HECW1: variants seen among roughly 807,000 people sequenced by gnomAD.
HECW1 encodes the protein E3 ubiquitin-protein ligase HECW1.
A neutral mutation model predicts 182.3 loss-of-function variants in HECW1; 61 were observed. The observed-to-expected ratio is 0.33, with a 90% CI of 0.27 to 0.41. The LOEUF (loss-of-function observed/expected upper bound fraction) is 0.41. Among genes scored for constraint, HECW1 ranks in the 10% least tolerant of loss-of-function variants. The probability of loss-of-function intolerance (pLI) is 1.00; values close to 1 mark genes in which losing one functional copy is unlikely to be tolerated. For missense variants in HECW1, 1,739 were observed against 2,108.9 expected (o/e 0.82, Z 3.44); for synonymous variants, 859 against 832.6 (o/e 1.03, Z -0.55).
chr7:43,327,332 G>A (rs1275335755), intron 5 of HECW1, among the ~76,000 whole-genome samples: 2 of 152,052 alleles, frequency 1.3e-5, no homozygotes, highest in Admixed American at 1.3e-4. Context: ...GAGCTCCGTG[G>A]AAACCAAGAC....
chr7:43,416,861 G>T (rs1190212735), intron 8 of HECW1, among the ~76,000 whole-genome samples: 4 of 30 alleles, frequency 0.13, no homozygotes, highest in East Asian at 0.5. Flanking sequence ...CTTCCCAGGT[G>T]AGGCAATGCT....
intron 2 of HECW1, among the ~76,000 whole-genome samples, chr7:43,172,463 C>T (rs754801632): frequency 1.6e-4 from 24 of 151,508 alleles, no homozygotes; most frequent in Middle Eastern, 3.4e-3. Flanking sequence ...CACACATGCC[C>T]ATGTTTATAT....
chr7:43,192,268 A>G (rs1793997815), intron 2 of HECW1, among the ~76,000 whole-genome samples: 2 of 152,198 alleles, frequency 1.3e-5, no homozygotes, highest in South Asian at 4.1e-4. Context: ...AAGACCTAGT[A>G]TTAATAGATC....
chr7:43,369,987 A>T (rs71540529), intron 6 of HECW1, among the ~76,000 whole-genome samples: 3 of 152,172 alleles, frequency 2.0e-5, no homozygotes, highest in African/African-American at 7.2e-5. Flanking sequence ...ATGGGCCAGA[A>T]CCTAAAGTCA....
At chr7:43,467,360 A>C (rs7779437) in intron 15 of HECW1, among the ~76,000 whole-genome samples, 64,083 of 151,826 alleles carry the variant, frequency 0.42, 13,692 homozygotes, top group Middle Eastern at 0.55. Flanking sequence ...GCAGAGGGAC[A>C]TCTGTAGAAA....
intron 4 of HECW1, among the ~76,000 whole-genome samples, chr7:43,316,166 T>C (rs984564711): frequency 2.6e-5 from 4 of 152,172 alleles, no homozygotes; most frequent in African/African-American, 4.8e-5. Context: ...ATTATAATAA[T>C]CCACAAAGAT....
intron 21 of HECW1, among the ~76,000 whole-genome samples, chr7:43,505,892 A>T (rs1374631702): frequency 6.6e-6 from 1 of 152,226 alleles, no homozygotes; most frequent in Non-Finnish European, 1.5e-5. Context: ...GTTTACCAGC[A>T]TCAGTCTTCT....
intron 5 of HECW1, among the ~76,000 whole-genome samples, chr7:43,339,045 A>C (rs763108113): frequency 3.3e-5 from 5 of 152,154 alleles, no homozygotes; most frequent in Admixed American, 6.5e-5. Context: ...TCTTTTTGTC[A>C]TTCCTTTGAA....
intron 5 of HECW1, among the ~76,000 whole-genome samples, chr7:43,322,438 C>A (rs1266977658): frequency 6.6e-6 from 1 of 152,084 alleles, no homozygotes; most frequent in Admixed American, 6.6e-5. Context: ...TCCCTTAAAC[C>A]CAATTTTGCT....
intron 3 of HECW1, chr7:43,248,708 C>A: frequency 7.0e-6 from 1 of 143,278 alleles, no homozygotes; most frequent in South Asian, 1.9e-4. Context: ...CCTCCTCCTC[C>A]TCCTCCTCCT....
intron 2 of HECW1, chr7:43,241,261 G>A (rs1798849161): frequency 6.6e-6 from 1 of 152,188 alleles, no homozygotes; most frequent in Non-Finnish European, 1.5e-5. Flanking sequence ...GTGTGGACAG[G>A]TCACTTGGTC....
At chr7:43,311,355 T>C (rs953725774) in intron 3 of HECW1, among the ~76,000 whole-genome samples, 4 of 152,080 alleles carry the variant, frequency 2.6e-5, no homozygotes, top group Admixed American at 2.6e-4. Context: ...ATAATGATAA[T>C]CATCGTTTGC....
chr7:43,225,357 A>G (rs1276102539), intron 2 of HECW1, among the ~76,000 whole-genome samples: 1 of 152,214 alleles, frequency 6.6e-6, no homozygotes. Flanking sequence ...GGCCCCACCT[A>G]GCAAAGTGGA....
intron 2 of HECW1, among the ~76,000 whole-genome samples, chr7:43,215,568 GTAT>G (rs1796370151): frequency 6.6e-6 from 1 of 152,152 alleles, no homozygotes; most frequent in African/African-American, 2.4e-5. Context: ...CTTCAAAGTT[GTAT>G]TATTAATACA....
chr7:43,451,160 T>C (rs976264686), intron 12 of HECW1, among the ~76,000 whole-genome samples: 2 of 152,242 alleles, frequency 1.3e-5, no homozygotes, highest in Admixed American at 6.5e-5. Flanking sequence ...CACAGTGTTT[T>C]CAGTGCCTCT....
intron 28 of HECW1, among the ~76,000 whole-genome samples, chr7:43,553,324 C>A (rs1232081753): frequency 6.6e-6 from 1 of 152,114 alleles, no homozygotes; most frequent in East Asian, 1.9e-4. Context: ...TCCCTCATGT[C>A]CCCAGTACAC....
At chr7:43,458,222 A>G (rs779927941) in intron 13 of HECW1, among the ~76,000 whole-genome samples, 2 of 152,210 alleles carry the variant, frequency 1.3e-5, no homozygotes, top group Non-Finnish European at 2.9e-5. Flanking sequence ...GCCAAAAATG[A>G]TAAGCTCCAA....
At chr7:43,175,208 G>A (rs1183433760) in intron 2 of HECW1, among the ~76,000 whole-genome samples, 4 of 151,984 alleles carry the variant, frequency 2.6e-5, no homozygotes, top group South Asian at 2.1e-4. Flanking sequence ...ACGCAGTGAT[G>A]TGGCTAAATC....
At chr7:43,488,512 G>GAA (rs1040956407) in intron 17 of HECW1, among the ~76,000 whole-genome samples, 22 of 151,492 alleles carry the variant, frequency 1.5e-4, no homozygotes, top group Non-Finnish European at 2.4e-4. Flanking sequence ...GAAAAGAAAA[G>GAA]AAAGAAAAAG....
Sources: allele counts gnomAD v4.1 joint callset (sites outside exome capture counted in the v4.1 genomes callset), GRCh38; gene constraint gnomAD v4.1.1; transcripts MANE v1.5; gene names NCBI Gene and HGNC (gene_info 2026-07-23, HGNC 2026-07-21).